The following FHOD3 variants were observed in gnomAD, a reference collection of about 807,000 sequenced individuals.
FHOD3 encodes formin homology 2 domain containing 3, also known as FH1/FH2 domain-containing protein 3.
Under a neutral mutation model 173.0 loss-of-function variants are expected in FHOD3, and 90 were observed. That is an observed-to-expected ratio of 0.52 (90% CI 0.44 to 0.62). FHOD3 has a LOEUF of 0.62. FHOD3 is among the 20% of genes least tolerant of loss of function. The pLI is 0.00. For missense variants in FHOD3, 1,945 were observed against 2,034.7 expected, an observed-to-expected ratio of 0.96 and a Z score of 0.85; for synonymous variants, 828 against 823.0, an observed-to-expected ratio of 1.01 and a Z score of -0.10.
Position 36,718,434 on chromosome 18 carries a change from C to T in FHOD3, c.3136C>T (p.Pro1046Ser). The change falls in exon 19 of 29, where the codon CCC becomes TCC. Residue 1046 changes from proline (P) to serine (S), a missense_variant. Transcript: ENST00000590592. ...PPPPLLDSIP[P>S]PPVPGNLLVP... The stretch of plus-strand genomic sequence containing the variant: ...TCCGCCCCTGTTGGACAGCATTCCT[C>T]CCCCTCCTGTCCCTGGTAATTTATT... 1.3e-6 allele frequency: 2 copies of T among 1,489,948 alleles called. No individual in the cohort carries two copies. Among genetic ancestry groups the T allele is most frequent in the South Asian group, 2.3e-5 (2 of 88,348 alleles). The allele number at this position is 1,489,948 out of a possible 1,614,324, so 92.3% of individuals were successfully genotyped here. A position where few individuals can be genotyped will look rare whatever the true frequency, so the allele number is the denominator to read the frequency against.
At chr18:36,413,792 G>A (rs1326131541) in intron 3 of FHOD3, among the ~76,000 whole-genome samples, 1 of 152,146 alleles carries the variant, frequency 6.6e-6, no homozygotes, top group African/African-American at 2.4e-5. Context: ...CATTTTAAGT[G>A]TACATTTCAG....
At chr18:36,403,431 C>T (rs936144773) in intron 3 of FHOD3, among the ~76,000 whole-genome samples, 93 of 152,302 alleles carry the variant, frequency 6.1e-4, no homozygotes, top group African/African-American at 2.1e-3. Context: ...AGTGGCAAGT[C>T]CTCCTTTTGT....
intron 17 of FHOD3, among the ~76,000 whole-genome samples, chr18:36,694,975 G>GT (rs1600276982): frequency 4.2e-5 from 5 of 120,066 alleles, no homozygotes; most frequent in East Asian, 3.1e-4. Context: ...ATGTATACGT[G>GT]GGTGTGTGTG....
intron 24 of FHOD3, among the ~76,000 whole-genome samples, chr18:36,748,379 C>CA (rs1469268180): frequency 0.028 from 3,557 of 124,860 alleles, 126 homozygotes; most frequent in African/African-American, 0.12. Flanking sequence ...CACACACACA[C>CA]ACAACACACA....
intron 1 of FHOD3, among the ~76,000 whole-genome samples, chr18:36,309,060 A>G (rs2092179348): frequency 6.6e-6 from 1 of 152,010 alleles, no homozygotes. Flanking sequence ...TGTTGGCAAG[A>G]GAAGGCATGC....
At chr18:36,773,787 T>C (rs151065146) in intron 28 of FHOD3, among the ~76,000 whole-genome samples, 150 of 152,300 alleles carry the variant, frequency 9.8e-4, no homozygotes, top group African/African-American at 3.6e-3. Context: ...CCCACCACAC[T>C]GTCCACTTCA....
chr18:36,609,808 G>A (rs1167284727), intron 8 of FHOD3, among the ~76,000 whole-genome samples: 7 of 151,874 alleles, frequency 4.6e-5, no homozygotes, highest in African/African-American at 1.2e-4. Context: ...ACTGGGTTTC[G>A]CCATGTTGGC....
chr18:36,649,356 A>C lies in FHOD3; in HGVS notation c.1237A>C (p.Ser413Arg). The change falls in exon 11 of 29, where the codon AGT becomes CGT. Residue 413 changes from serine to arginine, a missense_variant. By Grantham distance (110) the Ser-to-Arg change is moderately radical. Coordinates refer to ENST00000590592, the MANE Select transcript of FHOD3 (RefSeq NM_001281740.3). ...EEEEQPITEPSSEEEREDDAS... is the reference protein window; with the variant it reads ...EEEEQPITEPRSEEEREDDAS... The stretch of plus-strand genomic sequence containing the variant: ...AGAGGAGCAGCCAATCACGGAGCCC[A>C]GTTCCGAAGAAGAGAGAGAGGATGA... The C allele has an allele frequency of 6.5e-7, 1 of 1,535,890 alleles. No homozygotes were observed. The highest frequency in any genetic ancestry group is 2.4e-5 in the East Asian group (1 of 40,908).
intron 3 of FHOD3, among the ~76,000 whole-genome samples, chr18:36,484,751 A>G (rs6507172): frequency 0.78 from 117,933 of 152,046 alleles, 46,535 homozygotes; most frequent in East Asian, 0.95. Flanking sequence ...CCAGCCCCCC[A>G]GGGGGTGTGG....
At chr18:36,688,058 T>C (rs958542182) in intron 16 of FHOD3, among the ~76,000 whole-genome samples, 3 of 152,206 alleles carry the variant, frequency 2.0e-5, no homozygotes, top group African/African-American at 7.2e-5. Context: ...ATCAGTAGTA[T>C]ATTTCAATGG....
intron 7 of FHOD3, 48 bp from the exon 8 acceptor site, chr18:36,602,626 A>C (rs979275576): frequency 3.7e-6 from 5 of 1,339,028 alleles, no homozygotes; most frequent in African/African-American, 2.9e-5. Flanking sequence ...AGTTAGATAA[A>C]GAATGTTGAT....
At chr18:36,545,834 A>G (rs1356036366) in intron 5 of FHOD3, among the ~76,000 whole-genome samples, 1 of 152,200 alleles carries the variant, frequency 6.6e-6, no homozygotes, top group African/African-American at 2.4e-5. Flanking sequence ...AACCTTACGT[A>G]TCTCTTGGTC....
chr18:36,667,810 T>A (rs1463660701), intron 14 of FHOD3, among the ~76,000 whole-genome samples: 2 of 152,160 alleles, frequency 1.3e-5, no homozygotes, highest in Admixed American at 1.3e-4. Flanking sequence ...GTAGTTGTGC[T>A]ACAATGTTAT....
chr18:36,365,029 G>A (rs951723152), intron 2 of FHOD3, among the ~76,000 whole-genome samples: 1 of 152,172 alleles, frequency 6.6e-6, no homozygotes. Flanking sequence ...CACAGGGTAC[G>A]TGAGGGTGGA....
chr18:36,453,298 C>T (rs187259181), intron 3 of FHOD3, among the ~76,000 whole-genome samples: 1 of 152,324 alleles, frequency 6.6e-6, no homozygotes, highest in Non-Finnish European at 1.5e-5. Flanking sequence ...TTTTAATTTA[C>T]ATGACAGTTT....
chr18:36,627,844 CAG>C (rs2148824212), intron 10 of FHOD3, among the ~76,000 whole-genome samples: 1 of 152,330 alleles, frequency 6.6e-6, no homozygotes, highest in Admixed American at 6.5e-5. Flanking sequence ...GTGCCTCAAA[CAG>C]TACCTCAGAG....
intron 3 of FHOD3, among the ~76,000 whole-genome samples, chr18:36,455,587 A>G (rs2052148359): frequency 6.6e-6 from 1 of 151,348 alleles, no homozygotes; most frequent in Non-Finnish European, 1.5e-5. Context: ...AAAAAAAAAA[A>G]AAGCTGTCTA....
At chr18:36,315,230 T>C (rs2044059711) in intron 1 of FHOD3, among the ~76,000 whole-genome samples, 1 of 152,230 alleles carries the variant, frequency 6.6e-6, no homozygotes, top group African/African-American at 2.4e-5. Flanking sequence ...GTGGGGACTG[T>C]GCTTTTGCAG....
intron 5 of FHOD3, among the ~76,000 whole-genome samples, chr18:36,559,560 T>A (rs1292499513): frequency 6.6e-6 from 1 of 152,194 alleles, no homozygotes; most frequent in Admixed American, 6.5e-5. Context: ...TTTTAGCATC[T>A]TGCTTGGGCA....
Sources: gnomAD v4.1 joint callset for allele counts (sites outside exome capture counted in the v4.1 genomes callset) on GRCh38, gnomAD v4.1.1 for gene constraint, MANE v1.5 for transcripts, NCBI Gene and HGNC (gene_info 2026-07-23, HGNC 2026-07-21) for gene names.